CRAMP1: variants seen among roughly 807,000 people sequenced by gnomAD.
CRAMP1 encodes the protein protein cramped-like.
Under a neutral mutation model 115.4 loss-of-function variants are expected in CRAMP1, and 50 were observed. The ratio of observed to expected loss-of-function variants is 0.43; its 90% confidence interval spans 0.35 to 0.55. CRAMP1 has a LOEUF of 0.55. Ranked by LOEUF, CRAMP1 falls within the 20% of genes least tolerant of loss-of-function variation. The pLI is 0.01. For synonymous variants in CRAMP1, 866 were observed against 745.4 expected (o/e 1.16, Z -2.64); for missense variants, 1,679 against 1,721.7 (o/e 0.98, Z 0.44).
chr16:1,634,493 G>A (rs760887751), intron 4 of CRAMP1, among the ~76,000 whole-genome samples: 2 of 152,036 alleles, frequency 1.3e-5, no homozygotes, highest in African/African-American at 2.4e-5. Context: ...CACACCTCTC[G>A]GTGGGGGGTC....
At chr16:1,622,341 C>T (rs1199267014) in intron 2 of CRAMP1, among the ~76,000 whole-genome samples, 1 of 152,158 alleles carries the variant, frequency 6.6e-6, no homozygotes, top group Admixed American at 6.5e-5. Context: ...GGTGAAACCC[C>T]GTCTCTACTA....
At chr16:1,626,280 C>T (rs949604316) in intron 3 of CRAMP1, 114 bp downstream of exon 3, 18 of 1,048,896 alleles carry the variant, frequency 1.7e-5, no homozygotes, top group Admixed American at 6.4e-5. Flanking sequence ...GATTCCTGGG[C>T]GACCCCCGCA....
In CRAMP1 at chr16:1,614,815, C is replaced by T; in HGVS notation, c.176C>T (p.Pro59Leu). ...ACCCCCCGGGCCGGCGCCGACGGCC[C>T]CCCCGCGCCCCCCGGCGCGCCGCAG... The part of the protein sequence containing the change: ...EKTPRAGADG[P>L]PAPPGAPQAP... The change falls in exon 2 of 21, where the codon CCC (proline) becomes CTC (leucine). Residue 59 changes from proline to leucine, a missense_variant. Around this residue, in one of 8 missense-constraint regions of CRAMP1, gnomAD observed 264 missense variants for 229.7 expected, o/e 1.15. Transcript: ENST00000397412. The surrounding 1 kb of genome is among the most constrained non-coding windows in gnomAD (Gnocchi z 4.4). The T allele has an allele frequency of 7.9e-7, 1 of 1,268,430 alleles. No individual in the cohort carries two copies. Among genetic ancestry groups the T allele is most frequent in the Non-Finnish European group, 9.9e-7 (1 of 1,010,980 alleles). 78.6% of individuals were successfully genotyped at this position (1,268,430 alleles called of 1,614,324 possible). A position where few individuals can be genotyped will look rare whatever the true frequency, so the allele number is the denominator to read the frequency against.
Position 1,614,980 on chromosome 16 carries a change from GA to G in CRAMP1, c.345del (p.Gly116GlufsTer31), listed in dbSNP as rs1389797453. 7 of 1,252,892 alleles carry G rather than the reference GA, an allele frequency of 5.6e-6. No homozygotes were observed. Among genetic ancestry groups the G allele is most frequent in the South Asian group, 7.3e-5 (2 of 27,424 alleles). 77.6% of individuals were successfully genotyped at this position (1,252,892 alleles called of 1,614,324 possible). A position where few individuals can be genotyped will look rare whatever the true frequency, so the allele number is the denominator to read the frequency against. On this transcript the variant is annotated frameshift_variant, in exon 2 of 21. Coordinates refer to ENST00000397412, the MANE Select transcript of CRAMP1 (RefSeq NM_020825.4). LOFTEE classifies it high-confidence loss of function. The surrounding 1 kb of genome is among the most constrained non-coding windows in gnomAD (Gnocchi z 4.4). ...SGNAGGSGPR[G>X]KGAEGGGSSS... ...AACGCCGGTGGCTCGGGGCCCCGCG[GA>G]AAAGGTAGGGCGGCCCGTCCCCTTG...
Position 1,658,738 on chromosome 16 carries a change from A to G in CRAMP1, c.2236-1148A>G, listed in dbSNP as rs77317864. On this transcript the variant is annotated intron_variant, in intron 10 of 20. Transcript: ENST00000397412. ...TGGAATGAGTAGCATAGGAAGGGTC[A>G]TGAGGTGGGAGGGGTCCTGGGGAAA... 2.7e-3 allele frequency among the ~76,000 whole-genome samples: 406 copies of G among 152,258 alleles called. 18 individuals are homozygous for G. The East Asian group carries it at 0.073, about 27-fold the overall frequency.
At chr16:1,653,187 C>T (rs2036739354) in intron 8 of CRAMP1, 31 bp downstream of exon 8, 1 of 1,596,634 alleles carries the variant, frequency 6.3e-7, no homozygotes. Context: ...CAGAGGGGTC[C>T]CAACTGCTTG....
At chr16:1,660,145 A>G (rs1424126752) in intron 11 of CRAMP1, 82 bp downstream of exon 11, 1 of 1,263,200 alleles carries the variant, frequency 7.9e-7, no homozygotes, top group South Asian at 1.6e-5. Context: ...CGAAGCTGAG[A>G]GCACAGGTGT....
chr16:1,650,073 C>T (rs1410795633), intron 6 of CRAMP1, among the ~76,000 whole-genome samples: 1 of 152,086 alleles, frequency 6.6e-6, no homozygotes, highest in Non-Finnish European at 1.5e-5. Context: ...GGATGACAGG[C>T]GTGAGCCACC....
intron 5 of CRAMP1, among the ~76,000 whole-genome samples, chr16:1,638,251 A>G (rs2036604242): frequency 6.6e-6 from 1 of 152,212 alleles, no homozygotes; most frequent in African/African-American, 2.4e-5. Flanking sequence ...TAGCCTTGAT[A>G]CCATGGTCGC....
In CRAMP1 at chr16:1,656,557, G is replaced by T; in HGVS notation, c.1800G>T (p.Leu600=). The change falls in exon 10 of 21, where the codon CTG becomes CTT. Residue 600 remains leucine, a synonymous_variant. Transcript: ENST00000397412. The surrounding 1 kb of genome is among the most constrained non-coding windows in gnomAD (Gnocchi z 5.6). ...PLGGAASPEV[L]APVSKEAADL... is the part of the protein sequence containing the mutation. ...GCGGGGCGGCCTCCCCAGAGGTGCT[G>T]GCTCCTGTCAGCAAGGAGGCTGCTG... 1 of 1,557,124 alleles carries T rather than the reference G, an allele frequency of 6.4e-7. No homozygotes were observed. The highest frequency in any genetic ancestry group is 8.7e-7 in the Non-Finnish European group (1 of 1,150,772).
At chr16:1,673,243 G>A (rs1271793106) in intron 20 of CRAMP1, among the ~76,000 whole-genome samples, 3 of 139,062 alleles carry the variant, frequency 2.2e-5, no homozygotes, top group Non-Finnish European at 4.5e-5. Flanking sequence ...TGATGGGAAC[G>A]TGCCCCCCAC....
chr16:1,671,240 T>C lies in CRAMP1; in HGVS notation c.3645+431T>C, dbSNP rs12445978. ...CCATCCTAACAGCAGGACCTTTGAG[T>C]GGCATCTCCCTGTCATGTTGAGCTG... On this transcript the variant is annotated intron_variant, in intron 20 of 20. Transcript: ENST00000397412. The surrounding 1 kb of genome is among the most constrained non-coding windows in gnomAD (Gnocchi z 5.0). Among the ~76,000 whole-genome samples, 24,849 of 151,954 alleles carry C rather than the reference T, an allele frequency of 0.16. 2,918 individuals are homozygous for C. The highest frequency in any genetic ancestry group is 0.32 in the African/African-American group (13,080 of 41,402).
At position 1,662,585 on chromosome 16, in the gene CRAMP1, T is replaced by C. The variant is rs1360114371; in HGVS notation, c.2509T>C (p.Leu837=). 6.2e-7 allele frequency: 1 copy of C among 1,613,942 alleles called. No individual in the cohort carries two copies. The change falls in exon 12 of 21, where the codon TTG becomes CTG. Residue 837 remains leucine, a synonymous_variant. Transcript: ENST00000397412. ...AGGCCTTTTTGCTGTCCCGACAACC[T>C]TGCCACCCAACAGCCGACACGGGAA... ...DGGLFAVPTT[L]PPNSRHGKLF...
Position 1,637,855 on chromosome 16 carries a change from G to C in CRAMP1, c.726G>C (p.Gln242His). 1 of 1,569,566 alleles carries C rather than the reference G, an allele frequency of 6.4e-7. No individual in the cohort carries two copies. Among genetic ancestry groups the C allele is most frequent in the South Asian group, 1.2e-5 (1 of 83,728 alleles). The change falls in exon 5 of 21, where the codon CAG becomes CAC. Residue 242 changes from glutamine (Q) to histidine (H), a missense_variant. Transcript: ENST00000397412. Reference sequence around the variant, plus strand: ...CTCGAGGCCTGAAGAAGTCATCCCAGGAACTGTATGGCCTGATCTGCTATG... The same window carrying C: ...CTCGAGGCCTGAAGAAGTCATCCCACGAACTGTATGGCCTGATCTGCTATG... ...VFSRGLKKSS[Q>H]ELYGLICYGE...
Position 1,675,446 on chromosome 16 carries a change from C to G in CRAMP1, c.*1401C>G, listed in dbSNP as rs1019387242. On this transcript the variant is annotated 3_prime_UTR_variant, in exon 21 of 21. Coordinates refer to ENST00000397412, the MANE Select transcript of CRAMP1 (RefSeq NM_020825.4). Reference sequence around the variant, plus strand: ...CCTAACCCCCTTGGACCTACTCTCCCTCCTCCCCACCATTCCTCTTCCCCC... The same window carrying G: ...CCTAACCCCCTTGGACCTACTCTCCGTCCTCCCCACCATTCCTCTTCCCCC... 1 of 152,548 alleles carries G rather than the reference C, an allele frequency of 6.6e-6. No individual in the cohort carries two copies. Among genetic ancestry groups the G allele is most frequent in the Non-Finnish European group, 1.5e-5 (1 of 68,202 alleles). 9.4% of individuals were successfully genotyped at this position (152,548 alleles called of 1,614,324 possible).
In CRAMP1 at chr16:1,666,157, A is replaced by C. The variant is rs777790907; in HGVS notation, c.2837A>C (p.Gln946Pro). The C allele has an allele frequency of 7.5e-6, 12 of 1,607,848 alleles. No homozygotes were observed. Among genetic ancestry groups the C allele is most frequent in the Non-Finnish European group, 1.0e-5 (12 of 1,177,228 alleles). Residue 946 changes from glutamine (Q) to proline (P), a missense_variant, in exon 15 of 21, where the codon CAG (glutamine) becomes CCG (proline). Gln to Pro is a moderately conservative substitution (Grantham distance 76). This residue lies in a region of CRAMP1 where 709 missense variants were observed against 741.9 expected (regional missense o/e 0.96). Coordinates refer to ENST00000397412, the MANE Select transcript of CRAMP1 (RefSeq NM_020825.4). The surrounding 1 kb of genome is among the most constrained non-coding windows in gnomAD (Gnocchi z 5.0). ...RPIVPKVLPP[Q>P]ATSHLASAID... The stretch of plus-strand genomic sequence containing the variant: ...ATCGTGCCCAAGGTCCTTCCACCCC[A>C]GGCCACGAGTCACCTGGCCAGTAAG...
rs550433026 is a variant in CRAMP1, at chr16:1,671,659, C to G, written c.3645+850C>G. Among the ~76,000 whole-genome samples, 3 of 152,318 alleles carry G rather than the reference C, an allele frequency of 2.0e-5. No homozygotes were observed. In the South Asian group the frequency reaches 6.2e-4, roughly 32 times the overall value. ...AGTCCTGGAGCAGCATTCCCCGAAT[C>G]TAGTCCCCACAATGTTGAGACATTG... On this transcript the variant is annotated intron_variant, in intron 20 of 20. Coordinates refer to ENST00000397412, the MANE Select transcript of CRAMP1 (RefSeq NM_020825.4). This position sits in a 1 kb window ranked among gnomAD's most constrained non-coding sequence, Gnocchi z 5.0.
intron 6 of CRAMP1, among the ~76,000 whole-genome samples, chr16:1,650,373 G>A (rs1343765498): frequency 1.3e-5 from 2 of 152,304 alleles, no homozygotes; most frequent in African/African-American, 2.4e-5. Flanking sequence ...CGCAGCACTC[G>A]CTTCAGACTC....
chr16:1,649,008 G>A (rs1235792531), intron 6 of CRAMP1, among the ~76,000 whole-genome samples: 1 of 151,692 alleles, frequency 6.6e-6, no homozygotes, highest in African/African-American at 2.4e-5. Context: ...GCAGTGAGCT[G>A]AGATCATGCC....
Sources: gnomAD v4.1 joint callset for allele counts (sites outside exome capture counted in the v4.1 genomes callset) on GRCh38, gnomAD v4.1.1 for gene constraint, gnomAD v4.1.1 regional missense constraint, Gnocchi (gnomAD v3.1) non-coding constraint, MANE v1.5 for transcripts, NCBI Gene and HGNC (gene_info 2026-07-23, HGNC 2026-07-21) for gene names.